TYW3: variants seen among roughly 807,000 people sequenced by gnomAD.
TYW3 encodes tRNA wybutosine-synthesizing protein 3 homolog.
Under a neutral mutation model 23.1 loss-of-function variants are expected in TYW3, and 26 were observed. That is an observed-to-expected ratio of 1.13 (90% CI 0.83 to 1.56). TYW3 has a LOEUF of 1.56. TYW3 is among the 40% of genes most tolerant of loss of function. TYW3 has a pLI of 0.00. For missense variants in TYW3, 316 were observed against 311.9 expected (o/e 1.01, Z -0.10); for synonymous variants, 102 against 105.7 (o/e 0.97, Z 0.21).
At chr1:74,747,872 CAT>C (rs1480700075) in intron 3 of TYW3, among the ~76,000 whole-genome samples, 10 of 115,874 alleles carry the variant, frequency 8.6e-5, no homozygotes, top group Admixed American at 7.7e-4. Flanking sequence ...TATACATACA[CAT>C]ACACACACAT....
At position 74,738,679 on chromosome 1, in the gene TYW3, C is replaced by T. The variant is rs1369360637; in HGVS notation, c.256-11C>T. On this transcript the variant is annotated splice_polypyrimidine_tract_variant and intron_variant, in intron 2 of 5. Transcript: ENST00000370867. ...TATACTTGCATCTGATACCACTGTT[C>T]ATTTATTTAGATTGTAGCTCTGAAG... The T allele has an allele frequency of 6.3e-7, 1 of 1,588,912 alleles. No homozygotes were observed. Among genetic ancestry groups the T allele is most frequent in the Non-Finnish European group, 8.6e-7 (1 of 1,161,806 alleles).
At position 74,764,938 on chromosome 1, in the gene TYW3, A is replaced by C. The variant is rs1557753002; in HGVS notation, c.*825A>C. The C allele has an allele frequency of 6.6e-6, 1 of 152,240 alleles. No individual in the cohort carries two copies. The highest frequency in any genetic ancestry group is 1.5e-5 in the Non-Finnish European group (1 of 68,064). 9.4% of individuals were successfully genotyped at this position (152,240 alleles called of 1,614,324 possible). A position where few individuals can be genotyped will look rare whatever the true frequency, so the allele number is the denominator to read the frequency against. On this transcript the variant is annotated 3_prime_UTR_variant, in exon 6 of 6. Transcript: ENST00000370867. Reference sequence around the variant, plus strand: ...CATGTGATGCGAGTCAAGGTAGTTGATGCCCAACTGTGAAGGGCCGTTCTA... The same window carrying C: ...CATGTGATGCGAGTCAAGGTAGTTGCTGCCCAACTGTGAAGGGCCGTTCTA...
At chr1:74,733,935 C>A (rs1648027059) in intron 1 of TYW3, among the ~76,000 whole-genome samples, 1 of 151,976 alleles carries the variant, frequency 6.6e-6, no homozygotes, top group Non-Finnish European at 1.5e-5. Context: ...TAGTTTTACG[C>A]AGAGAAAAGT....
Position 74,765,648 on chromosome 1 carries a change from G to GT in TYW3, c.*1537dup, listed in dbSNP as rs1317542748. The stretch of plus-strand genomic sequence containing the variant: ...AGAAGATAAATGAATAAAAAAAAAA[G>GT]TTATAAATAACAGTAGGAAAGAGAG... On this transcript the variant is annotated 3_prime_UTR_variant, in exon 6 of 6. Coordinates refer to ENST00000370867, the MANE Select transcript of TYW3 (RefSeq NM_138467.3). 6.6e-6 allele frequency: 1 copy of GT among 152,076 alleles called. No homozygotes were observed. Among genetic ancestry groups the GT allele is most frequent in the South Asian group, 2.1e-4 (1 of 4,802 alleles). 9.4% of individuals were successfully genotyped at this position (152,076 alleles called of 1,614,324 possible). A position where few individuals can be genotyped will look rare whatever the true frequency, so the allele number is the denominator to read the frequency against.
At chr1:74,749,180 C>T (rs1331462615) in intron 4 of TYW3, among the ~76,000 whole-genome samples, 3 of 152,200 alleles carry the variant, frequency 2.0e-5, no homozygotes, top group African/African-American at 7.2e-5. Context: ...TGAATTTGGG[C>T]AAGCTCCTCA....
chr1:74,746,801 A>G (rs1358639754), intron 3 of TYW3, among the ~76,000 whole-genome samples: 1 of 152,136 alleles, frequency 6.6e-6, no homozygotes, highest in Admixed American at 6.5e-5. Context: ...AGATTGCACC[A>G]TTGCACTCCA....
chr1:74,733,482 C>A lies in TYW3; in HGVS notation c.174+64C>A, dbSNP rs1008194724. The A allele has an allele frequency of 2.7e-5, 42 of 1,584,094 alleles. 1 individual carries two copies. In the African/African-American group the frequency reaches 5.5e-4, roughly 21 times the overall value. On this transcript the variant is annotated intron_variant, in intron 1 of 5. Transcript: ENST00000370867. ...GTGCGAAACTTCAGGAGCCCTGTTC[C>A]CATCCAGTGACGACCGGATCCAGCA...
chr1:74,751,711 T>C (rs1450553473), intron 4 of TYW3, among the ~76,000 whole-genome samples: 1 of 152,052 alleles, frequency 6.6e-6, no homozygotes, highest in Non-Finnish European at 1.5e-5. Flanking sequence ...ATTTTTATTC[T>C]CATAATAATT....
chr1:74,760,030 G>A (rs1649084649), intron 5 of TYW3, among the ~76,000 whole-genome samples: 1 of 152,162 alleles, frequency 6.6e-6, no homozygotes, highest in African/African-American at 2.4e-5. Context: ...CAGTTGATTA[G>A]CACATGTATT....
chr1:74,759,617 C>A (rs761105240), intron 5 of TYW3, among the ~76,000 whole-genome samples: 3 of 152,028 alleles, frequency 2.0e-5, no homozygotes, highest in Admixed American at 6.6e-5. Flanking sequence ...GGTTACCACC[C>A]CCCTATGTAG....
At chr1:74,747,747 A>G (rs1409803507) in intron 3 of TYW3, among the ~76,000 whole-genome samples, 2 of 137,924 alleles carry the variant, frequency 1.5e-5, no homozygotes, top group African/African-American at 2.5e-5. Flanking sequence ...ACACACACAT[A>G]TATGTATATA....
intron 5 of TYW3, among the ~76,000 whole-genome samples, chr1:74,756,725 A>G (rs978828183): frequency 6.6e-6 from 1 of 152,224 alleles, no homozygotes. Context: ...TGCATAAGTA[A>G]TGAGGAGCTG....
chr1:74,747,466 T>A, intron 3 of TYW3, among the ~76,000 whole-genome samples: 1 of 150,240 alleles, frequency 6.7e-6, no homozygotes. Flanking sequence ...TGAAACCCCG[T>A]CTCTACTAAA....
intron 1 of TYW3, among the ~76,000 whole-genome samples, chr1:74,734,753 AG>A (rs1288896348): frequency 1.3e-5 from 2 of 152,196 alleles, no homozygotes; most frequent in Non-Finnish European, 2.9e-5. Flanking sequence ...CTATGAACTG[AG>A]GATAATAAAA....
Position 74,752,371 on chromosome 1 carries a change from T to C in TYW3, c.506T>C (p.Phe169Ser), listed in dbSNP as rs756377614. Residue 169 changes from phenylalanine to serine, a missense_variant, in exon 5 of 6, where the codon TTC becomes TCC. Phe to Ser is a radical substitution (Grantham distance 155, BLOSUM62 -2). Coordinates refer to ENST00000370867, the MANE Select transcript of TYW3 (RefSeq NM_138467.3). ...ATGGTGACAGAGGAATATATTGACT[T>C]CCTGTTAAATGTGGCAAATCAAAAA... ...KLMVTEEYID[F>S]LLNVANQKME... The C allele has an allele frequency of 4.3e-6, 7 of 1,613,404 alleles. No homozygotes were observed. The highest frequency in any genetic ancestry group is 5.9e-6 in the Non-Finnish European group (7 of 1,179,756).
chr1:74,738,799 GTTGTAA>G lies in TYW3; in HGVS notation c.354+17_354+22del. 8 of 1,598,934 alleles carry G rather than the reference GTTGTAA, an allele frequency of 5.0e-6. No individual in the cohort carries two copies. The highest frequency in any genetic ancestry group is 6.8e-6 in the Non-Finnish European group (8 of 1,168,690). ...GATGCACAGATTCTGGTAAAATTTT[GTTGTAA>G]TTGTACTTGAATTTATAGATATGTG... On this transcript the variant is annotated intron_variant, in intron 3 of 5. Transcript: ENST00000370867.
intron 4 of TYW3, among the ~76,000 whole-genome samples, chr1:74,750,789 C>T (rs1188472662): frequency 1.4e-5 from 2 of 145,736 alleles, no homozygotes; most frequent in Non-Finnish European, 3.0e-5. Flanking sequence ...CTCCCTTTCT[C>T]TCCCCCGCTC....
rs559424131 is a variant in TYW3 at position 74,742,415 on chromosome 1, G to A, written c.354+3627G>A. Among the ~76,000 whole-genome samples, 155 of 152,180 alleles carry A rather than the reference G, an allele frequency of 1.0e-3. 1 individual carries two copies. The highest frequency in any genetic ancestry group is 3.4e-3 in the African/African-American group (141 of 41,506). Reference sequence around the variant, plus strand: ...TATAAGTACCTTTCCTTCTTCTGTCGTTAACCACGCCGAGGGGAGAAAACT... The same window carrying A: ...TATAAGTACCTTTCCTTCTTCTGTCATTAACCACGCCGAGGGGAGAAAACT... On this transcript the variant is annotated intron_variant, in intron 3 of 5. Coordinates refer to ENST00000370867, the MANE Select transcript of TYW3 (RefSeq NM_138467.3).
At chr1:74,751,732 T>C (rs1053069332) in intron 4 of TYW3, among the ~76,000 whole-genome samples, 1 of 152,082 alleles carries the variant, frequency 6.6e-6, no homozygotes. Flanking sequence ...TTTATAGACC[T>C]TGTATGGTTG....
Sources: allele counts gnomAD v4.1 joint callset (sites outside exome capture counted in the v4.1 genomes callset), GRCh38; gene constraint gnomAD v4.1.1; transcripts MANE v1.5; gene names NCBI Gene and HGNC (gene_info 2026-07-23, HGNC 2026-07-21).